Variants in NRXN3 observed in about 807,000 individuals in gnomAD.
NRXN3 encodes neurexin III.
In NRXN3, 32 loss-of-function variants were observed where a neutral mutation model predicts 137.6. The ratio of observed to expected loss-of-function variants is 0.23; its 90% CI spans 0.18 to 0.31. NRXN3 has a LOEUF of 0.31. NRXN3 is among the 10% of genes least tolerant of loss of function. NRXN3 has a pLI of 1.00. For missense variants in NRXN3, 1,574 were observed against 2,062.5 expected, an observed-to-expected ratio of 0.76 and a Z score of 4.59; for synonymous variants, 798 against 784.5, an observed-to-expected ratio of 1.02 and a Z score of -0.29.
intron 19 of NRXN3, among the ~76,000 whole-genome samples, chr14:79,764,985 G>T (rs2099051394): frequency 6.6e-6 from 1 of 152,092 alleles, no homozygotes; most frequent in South Asian, 2.1e-4. Flanking sequence ...AATTAAATAT[G>T]CTCTAAATTT....
chr14:79,712,311 C>T (rs954483507), intron 19 of NRXN3, among the ~76,000 whole-genome samples: 2 of 152,204 alleles, frequency 1.3e-5, no homozygotes, highest in African/African-American at 2.4e-5. Flanking sequence ...TTCTCATGCT[C>T]TCCCTGCCCT....
chr14:78,564,759 A>G (rs2096822068), intron 4 of NRXN3, among the ~76,000 whole-genome samples: 2 of 152,100 alleles, frequency 1.3e-5, no homozygotes, highest in Non-Finnish European at 2.9e-5. Context: ...GGTTTTGCCT[A>G]TCATCCCAAA....
chr14:78,557,586 G>T (rs58897552), intron 4 of NRXN3, among the ~76,000 whole-genome samples: 36,230 of 152,112 alleles, frequency 0.24, 4,547 homozygotes, highest in Middle Eastern at 0.31. Context: ...ACAAAGCCAG[G>T]TGCCTAGTGG....
Position 79,570,296 on chromosome 14 carries a change from T to C in NRXN3, c.3445-93482T>C, listed in dbSNP as rs537315385. 2.0e-5 allele frequency among the ~76,000 whole-genome samples: 3 copies of C among 152,280 alleles called. No individual in the cohort carries two copies. In the South Asian group the frequency reaches 6.2e-4, roughly 32 times the overall value. Reference sequence around the variant, plus strand: ...TGTTCCTTCATCCAGAATGCTGCCTTCTATGCTCCCCAAACTCAAAGACCT... The same window carrying C: ...TGTTCCTTCATCCAGAATGCTGCCTCCTATGCTCCCCAAACTCAAAGACCT... On this transcript the variant is annotated intron_variant, in intron 16 of 20. Transcript: ENST00000335750.
chr14:79,347,127 C>G (rs2092926676), intron 15 of NRXN3, among the ~76,000 whole-genome samples: 1 of 152,028 alleles, frequency 6.6e-6, no homozygotes, highest in African/African-American at 2.4e-5. Context: ...GTCCCCCCAC[C>G]CTTATCTGTA....
At chr14:78,226,409 C>T (rs1210926184) in intron 1 of NRXN3, among the ~76,000 whole-genome samples, 1 of 152,154 alleles carries the variant, frequency 6.6e-6, no homozygotes, top group African/African-American at 2.4e-5. Context: ...TCACCTTCAC[C>T]TTTCTGCGTA....
chr14:78,883,624 T>C (rs972171772), intron 10 of NRXN3, among the ~76,000 whole-genome samples: 3 of 152,194 alleles, frequency 2.0e-5, no homozygotes, highest in African/African-American at 7.2e-5. Flanking sequence ...GGTTGTCCTT[T>C]TGGATGAGGC....
At chr14:78,940,105 T>G (rs1258806206) in intron 10 of NRXN3, among the ~76,000 whole-genome samples, 1 of 152,198 alleles carries the variant, frequency 6.6e-6, no homozygotes, top group African/African-American at 2.4e-5. Context: ...GGCTACATCT[T>G]TAGACTCATT....
intron 20 of NRXN3, among the ~76,000 whole-genome samples, chr14:79,842,265 A>G (rs2099357486): frequency 6.6e-6 from 1 of 152,212 alleles, no homozygotes. Flanking sequence ...TACTGTGCAG[A>G]GAATCATGAG....
At chr14:79,378,442 TTTGTCA>T (rs1252513463) in intron 15 of NRXN3, among the ~76,000 whole-genome samples, 6 of 152,190 alleles carry the variant, frequency 3.9e-5, no homozygotes, top group Admixed American at 1.3e-4. Flanking sequence ...GACTGGTGGC[TTTGTCA>T]TTGACTTTCT....
At chr14:79,163,530 G>A (rs1212484958) in intron 15 of NRXN3, among the ~76,000 whole-genome samples, 2 of 151,788 alleles carry the variant, frequency 1.3e-5, no homozygotes, top group Admixed American at 6.6e-5. Flanking sequence ...TCCTGTCCTG[G>A]TACAAATATA....
intron 10 of NRXN3, among the ~76,000 whole-genome samples, chr14:78,856,320 A>T (rs1272990865): frequency 6.6e-6 from 1 of 152,240 alleles, no homozygotes; most frequent in African/African-American, 2.4e-5. Context: ...TAAAGGATAT[A>T]TTCAAAATAT....
At chr14:79,177,427 A>C (rs2062458659) in intron 15 of NRXN3, among the ~76,000 whole-genome samples, 1 of 152,178 alleles carries the variant, frequency 6.6e-6, no homozygotes, top group Non-Finnish European at 1.5e-5. Flanking sequence ...AAAATAAATA[A>C]TCTCTAAATG....
At position 79,565,134 on chromosome 14, in the gene NRXN3, T is replaced by G. The variant is rs148836004; in HGVS notation, c.3444+97732T>G. 2.6e-5 allele frequency among the ~76,000 whole-genome samples: 4 copies of G among 151,950 alleles called. No homozygotes were observed. In the East Asian group the frequency reaches 5.8e-4, roughly 22 times the overall value. ...ATTTTATAGCATTTATATTTATTTG[T>G]ATTTAATTTATAAATGGGTGTTGGT... On this transcript the variant is annotated intron_variant, in intron 16 of 20. Transcript: ENST00000335750.
chr14:79,006,281 C>G (rs2099552595), intron 15 of NRXN3, among the ~76,000 whole-genome samples: 1 of 131,824 alleles, frequency 7.6e-6, no homozygotes, highest in Non-Finnish European at 1.5e-5. Flanking sequence ...TGAGCAAAAT[C>G]AAGAAAGCTA....
chr14:78,844,546 G>A (rs915303817), intron 10 of NRXN3, among the ~76,000 whole-genome samples: 12 of 151,864 alleles, frequency 7.9e-5, no homozygotes, highest in African/African-American at 2.9e-4. Context: ...GAATAATAAC[G>A]CCTAATTTAC....
chr14:79,222,621 G>A lies in NRXN3; in HGVS notation c.3262+234480G>A, dbSNP rs139678582. 1.6e-3 allele frequency among the ~76,000 whole-genome samples: 241 copies of A among 152,198 alleles called. 1 individual carries two copies. The highest frequency in any genetic ancestry group is 2.7e-3 in the Non-Finnish European group (184 of 67,988). On this transcript the variant is annotated intron_variant, in intron 15 of 20. Coordinates refer to ENST00000335750, the MANE Select transcript of NRXN3 (RefSeq NM_001330195.2). ...TGCCAAACTGTCTTTCAGTGTGGCT[G>A]TACCATTTTGCATTCCCACAATCTA... is the stretch of plus-strand genomic sequence containing the variant.
chr14:79,234,314 A>ATATATATATATATATATATATAATATT (rs2072892295), intron 15 of NRXN3, among the ~76,000 whole-genome samples: 1 of 107,780 alleles, frequency 9.3e-6, no homozygotes, highest in Non-Finnish European at 1.8e-5. Context: ...ATATATATAT[A>ATATATATATATATATATATATAATATT]TATATATATA....
At chr14:79,127,143 G>A (rs370293505) in intron 15 of NRXN3, among the ~76,000 whole-genome samples, 92 of 152,122 alleles carry the variant, frequency 6.0e-4, no homozygotes, top group African/African-American at 1.8e-3. Context: ...CACTCTGATC[G>A]TAGTTTCTTT....
Sources: gnomAD v4.1 joint callset for allele counts (sites outside exome capture counted in the v4.1 genomes callset) on GRCh38, gnomAD v4.1.1 for gene constraint, MANE v1.5 for transcripts, NCBI Gene and HGNC (gene_info 2026-07-23, HGNC 2026-07-21) for gene names.